SLC9A9: variants seen among roughly 807,000 people sequenced by gnomAD.
SLC9A9 encodes the protein sodium/hydrogen exchanger 9.
Under a neutral mutation model 77.8 loss-of-function variants are expected in SLC9A9, and 62 were observed. That is an observed-to-expected ratio of 0.80 (90% CI 0.65 to 0.98). The LOEUF is 0.98. Among genes scored for constraint, SLC9A9 ranks in the 50% least tolerant of loss-of-function variants. The probability of loss-of-function intolerance (pLI) is 0.00; values close to 1 mark genes in which losing one functional copy is unlikely to be tolerated. For missense variants in SLC9A9, 775 were observed against 774.9 expected (o/e 1.00, Z 0.00); for synonymous variants, 320 against 283.5 (o/e 1.13, Z -1.29).
chr3:143,700,908 C>T (rs185683907), intron 4 of SLC9A9, among the ~76,000 whole-genome samples: 73 of 152,336 alleles, frequency 4.8e-4, no homozygotes, highest in African/African-American at 1.7e-3. Context: ...GTGGTGGCCA[C>T]AGGGGTACTT....
chr3:143,511,768 A>C (rs1366759537), intron 9 of SLC9A9, among the ~76,000 whole-genome samples: 1 of 152,150 alleles, frequency 6.6e-6, no homozygotes, highest in African/African-American at 2.4e-5. Context: ...GAAATCATTC[A>C]TTTCAGATTT....
chr3:143,668,870 A>C (rs545982316), intron 5 of SLC9A9, among the ~76,000 whole-genome samples: 1 of 152,194 alleles, frequency 6.6e-6, no homozygotes, highest in Admixed American at 6.5e-5. Flanking sequence ...AAAATAATAA[A>C]TTGAACAACA....
chr3:143,453,074 G>C (rs2035035082), intron 12 of SLC9A9, among the ~76,000 whole-genome samples: 1 of 152,036 alleles, frequency 6.6e-6, no homozygotes, highest in Non-Finnish European at 1.5e-5. Flanking sequence ...GGTGAAACTA[G>C]GTTAAGGGCA....
intron 8 of SLC9A9, among the ~76,000 whole-genome samples, chr3:143,554,264 A>C (rs895165335): frequency 1.7e-4 from 26 of 152,202 alleles, no homozygotes; most frequent in African/African-American, 6.3e-4. Flanking sequence ...GTGCTTGTTT[A>C]ATTTACATCT....
rs114095648 is a variant in SLC9A9, at chr3:143,619,473, A to G, written c.755+32782T>C. Reference sequence around the variant, plus strand: ...AATTTACATTGTATACATAATGCAGACACATTTTCCATGCATAGCAGTCAA... The same window carrying G: ...AATTTACATTGTATACATAATGCAGGCACATTTTCCATGCATAGCAGTCAA... On this transcript the variant is annotated intron_variant, in intron 6 of 15. Coordinates refer to ENST00000316549, the MANE Select transcript of SLC9A9 (RefSeq NM_173653.4). Among the ~76,000 whole-genome samples the G allele has an allele frequency of 9.0e-3, 1,366 of 152,362 alleles. 20 individuals carry two copies. Among genetic ancestry groups the G allele is most frequent in the African/African-American group, 0.032 (1,314 of 41,574 alleles).
intron 2 of SLC9A9, among the ~76,000 whole-genome samples, chr3:143,800,989 G>A (rs766849022): frequency 7.9e-5 from 12 of 152,110 alleles, no homozygotes; most frequent in Non-Finnish European, 1.8e-4. Flanking sequence ...TTCCTTCCTA[G>A]GCATGGTTGG....
chr3:143,591,685 G>A (rs1181988162), intron 6 of SLC9A9, among the ~76,000 whole-genome samples: 1 of 148,212 alleles, frequency 6.7e-6, no homozygotes, highest in African/African-American at 2.7e-5. Flanking sequence ...TAGATATAAG[G>A]ATGAACAGTT....
chr3:143,324,822 TA>T (rs952014846), intron 14 of SLC9A9, among the ~76,000 whole-genome samples: 3 of 152,030 alleles, frequency 2.0e-5, no homozygotes, highest in African/African-American at 7.2e-5. Flanking sequence ...CCCTGTTTTT[TA>T]AAAAAACAGT....
chr3:143,513,647 T>C (rs536725148), intron 9 of SLC9A9, among the ~76,000 whole-genome samples: 1 of 152,332 alleles, frequency 6.6e-6, no homozygotes, highest in Non-Finnish European at 1.5e-5. Context: ...GAGGAATCAC[T>C]TTCCATGGCA....
intron 4 of SLC9A9, among the ~76,000 whole-genome samples, chr3:143,714,757 G>A (rs547654719): frequency 3.9e-5 from 6 of 152,286 alleles, no homozygotes; most frequent in African/African-American, 1.4e-4. Flanking sequence ...CTGGCTTTTA[G>A]TTAGATTTGA....
chr3:143,339,978 T>C (rs1414376475), intron 14 of SLC9A9, among the ~76,000 whole-genome samples: 1 of 152,202 alleles, frequency 6.6e-6, no homozygotes, highest in East Asian at 1.9e-4. Context: ...CAAAGACTAA[T>C]GCATAGGAGA....
At chr3:143,394,066 A>G (rs567985325) in intron 12 of SLC9A9, among the ~76,000 whole-genome samples, 1 of 152,174 alleles carries the variant, frequency 6.6e-6, no homozygotes, top group African/African-American at 2.4e-5. Context: ...ATTCCAATCA[A>G]TAGAAAAAGA....
At chr3:143,718,305 T>C (rs945311195) in intron 4 of SLC9A9, among the ~76,000 whole-genome samples, 3 of 152,206 alleles carry the variant, frequency 2.0e-5, no homozygotes, top group Non-Finnish European at 4.4e-5. Context: ...TTTCTATTCC[T>C]GTTACATATT....
chr3:143,788,895 G>A (rs1306693146), intron 4 of SLC9A9, among the ~76,000 whole-genome samples: 1 of 151,684 alleles, frequency 6.6e-6, no homozygotes, highest in East Asian at 1.9e-4. Flanking sequence ...TGGACAAAAA[G>A]CTTGAAAAGG....
intron 2 of SLC9A9, among the ~76,000 whole-genome samples, chr3:143,823,218 A>G (rs999279119): frequency 2.0e-5 from 3 of 152,210 alleles, no homozygotes; most frequent in African/African-American, 7.2e-5. Flanking sequence ...CCCACAGTCT[A>G]GTGAGACTGT....
intron 2 of SLC9A9, among the ~76,000 whole-genome samples, chr3:143,809,269 G>A (rs1250110728): frequency 1.3e-5 from 2 of 152,188 alleles, no homozygotes; most frequent in African/African-American, 2.4e-5. Context: ...TTTCAATAAT[G>A]AAAATGCCCC....
intron 5 of SLC9A9, among the ~76,000 whole-genome samples, chr3:143,668,300 G>A (rs1182463780): frequency 7.1e-6 from 1 of 140,840 alleles, no homozygotes; most frequent in African/African-American, 2.7e-5. Flanking sequence ...TTGGACACAG[G>A]GTGGGGAACA....
intron 4 of SLC9A9, among the ~76,000 whole-genome samples, chr3:143,699,536 T>C (rs948652435): frequency 6.6e-6 from 1 of 152,146 alleles, no homozygotes; most frequent in Non-Finnish European, 1.5e-5. Flanking sequence ...GTGCAGCAAT[T>C]GTAAAACATT....
chr3:143,641,607 A>G (rs979400150), intron 6 of SLC9A9, among the ~76,000 whole-genome samples: 1 of 151,812 alleles, frequency 6.6e-6, no homozygotes, highest in African/African-American at 2.4e-5. Context: ...GTTAGCCAGG[A>G]TGGTCTCGAT....
Sources: gnomAD v4.1 joint callset for allele counts (sites outside exome capture counted in the v4.1 genomes callset) on GRCh38, gnomAD v4.1.1 for gene constraint, MANE v1.5 for transcripts, NCBI Gene and HGNC (gene_info 2026-07-23, HGNC 2026-07-21) for gene names.